MILR1: variants seen among roughly 807,000 people sequenced by gnomAD.
MILR1 encodes the protein mast cell immunoglobulin like receptor 1, also known as allergin-1.
Under a neutral mutation model 18.5 loss-of-function variants are expected in MILR1, and 31 were observed. The observed-to-expected ratio is 1.68, with a 90% confidence interval of 1.26 to 2.26. The LOEUF (loss-of-function observed/expected upper bound fraction) is 2.26. Ranked by LOEUF, MILR1 falls within the 30% of genes most tolerant of loss-of-function variation. The pLI, the probability that MILR1 is intolerant of heterozygous loss-of-function variation, is 0.00. For synonymous variants in MILR1, 85 were observed against 56.2 expected, an observed-to-expected ratio of 1.51 and a Z score of -2.30; for missense variants, 257 against 157.4, an observed-to-expected ratio of 1.63 and a Z score of -3.38.
At chr17:64,477,694 T>C in the MILR1 span, 2 of 1,053,304 alleles carry the variant, frequency 1.9e-6, no homozygotes, top group Non-Finnish European at 2.6e-6. Context: ...ATAAAAAATA[T>C]AAACACTGAA....
the MILR1 span, chr17:64,490,718 A>G: frequency 1.8e-6 from 2 of 1,135,330 alleles, no homozygotes; most frequent in Non-Finnish European, 2.7e-6. Context: ...CCACGTTTGC[A>G]CCTTATTCTC....
At chr17:64,485,179 CA>C in the MILR1 span, 1 of 154,880 alleles carries the variant, frequency 6.5e-6, no homozygotes, top group Non-Finnish European at 1.4e-5. Flanking sequence ...CATCTTGCCC[CA>C]TTAATCATTT....
chr17:64,466,338 C>A, intron 6 of MILR1, 104 bp from the exon 7 acceptor site: 1 of 918,530 alleles, frequency 1.1e-6, no homozygotes, highest in Non-Finnish European at 1.7e-6. Context: ...ATGGAACAGT[C>A]CCAGCCTACA....
At position 64,463,313 on chromosome 17, in the gene MILR1, A is replaced by G. The variant is rs944435400; in HGVS notation, c.764-2139A>G. 1.2e-3 allele frequency among the ~76,000 whole-genome samples: 185 copies of G among 151,952 alleles called. 2 individuals carry two copies. The highest frequency in any genetic ancestry group is 3.7e-4 in the Non-Finnish European group (25 of 68,014). ...ATGAGCCACTGCACTCAGCCCAGTT[A>G]CTGCTTTTCATTCCTCACGTCTTAT... On this transcript the variant is annotated intron_variant, in intron 5 of 9. Coordinates refer to ENST00000619286, the MANE Select transcript of MILR1 (RefSeq NM_001085423.2).
At chr17:64,474,097 T>TG in the MILR1 span, among the ~76,000 whole-genome samples, 2 of 152,134 alleles carry the variant, frequency 1.3e-5, no homozygotes, top group South Asian at 4.1e-4. Context: ...ATTTTGGAGA[T>TG]GGAGTCTCAC....
chr17:64,475,793 C>T, the MILR1 span, among the ~76,000 whole-genome samples: 1 of 149,720 alleles, frequency 6.7e-6, no homozygotes, highest in Non-Finnish European at 1.5e-5. Context: ...AACAAACAGA[C>T]ACTACTACCA....
chr17:64,495,071 G>A, the MILR1 span, among the ~76,000 whole-genome samples: 1 of 151,766 alleles, frequency 6.6e-6, no homozygotes, highest in African/African-American at 2.4e-5. Flanking sequence ...CCAGCTACTC[G>A]GGAGGCTGAG....
chr17:64,490,487 C>T, the MILR1 span: 2 of 363,568 alleles, frequency 5.5e-6, no homozygotes, highest in Non-Finnish European at 5.2e-6. Flanking sequence ...TCACGCAAGA[C>T]AAGAGGAATT....
chr17:64,487,173 T>C, the MILR1 span: 1 of 152,226 alleles, frequency 6.6e-6, no homozygotes, highest in Non-Finnish European at 1.5e-5. Context: ...AATACATATA[T>C]GTACTGACAT....
intron 5 of MILR1, among the ~76,000 whole-genome samples, chr17:64,461,643 G>A (rs2037435025): frequency 6.6e-6 from 1 of 152,114 alleles, no homozygotes; most frequent in South Asian, 2.1e-4. Context: ...ACTTTAACCT[G>A]CTTAAATGCA....
chr17:64,493,908 C>T, the MILR1 span, among the ~76,000 whole-genome samples: 1 of 152,152 alleles, frequency 6.6e-6, no homozygotes, highest in Non-Finnish European at 1.5e-5. Context: ...TTCTTGTTCA[C>T]TCCCAAATAC....
At chr17:64,464,470 C>T (rs1412865589) in intron 5 of MILR1, among the ~76,000 whole-genome samples, 2 of 151,858 alleles carry the variant, frequency 1.3e-5, no homozygotes, top group African/African-American at 4.8e-5. Flanking sequence ...GAATTCCTGG[C>T]TTCAAGTGAT....
At chr17:64,474,365 G>A in the MILR1 span, among the ~76,000 whole-genome samples, 14 of 151,364 alleles carry the variant, frequency 9.2e-5, no homozygotes, top group African/African-American at 3.4e-4. Flanking sequence ...GTGAGCCACC[G>A]TGCCCGGCCT....
the MILR1 span, among the ~76,000 whole-genome samples, chr17:64,489,028 C>CTT: frequency 1.0e-4 from 14 of 136,456 alleles, no homozygotes; most frequent in Admixed American, 1.5e-4. Flanking sequence ...TTTTCTTTTT[C>CTT]TTTTTTTTTT....
chr17:64,472,873 G>A (rs1187999236), downstream of MILR1, among the ~76,000 whole-genome samples: 1 of 152,162 alleles, frequency 6.6e-6, no homozygotes, highest in African/African-American at 2.4e-5. Context: ...AATATTATGA[G>A]CTTTTACAAA....
At chr17:64,456,925 A>G (rs1472074169) in intron 3 of MILR1, among the ~76,000 whole-genome samples, 1 of 152,096 alleles carries the variant, frequency 6.6e-6, no homozygotes, top group Non-Finnish European at 1.5e-5. Context: ...GCCTGTAACC[A>G]CAGCACTTTG....
Position 64,468,419 on chromosome 17 carries a change from G to T in MILR1, c.*138G>T. On this transcript the variant is annotated 3_prime_UTR_variant, in exon 10 of 10. Transcript: ENST00000619286. ...TTCTCATGCCTCGACCTCCCGAGTA[G>T]CTGGGATTACAGGTGCCCGCTACCA... The T allele has an allele frequency of 2.5e-6, 1 of 406,110 alleles. No individual in the cohort carries two copies. The highest frequency in any genetic ancestry group is 1.8e-5 in the South Asian group (1 of 55,446). 25.2% of individuals were successfully genotyped at this position (406,110 alleles called of 1,614,324 possible).
At chr17:64,458,192 T>TCC in intron 4 of MILR1, among the ~76,000 whole-genome samples, 9 of 137,410 alleles carry the variant, frequency 6.5e-5, no homozygotes, top group Admixed American at 1.5e-4. Flanking sequence ...CTTCCTTCCT[T>TCC]CTTTCCTTCC....
the MILR1 span, chr17:64,496,329 G>T: frequency 1.1e-6 from 1 of 906,702 alleles, no homozygotes; most frequent in Non-Finnish European, 1.7e-6. Context: ...AGGGCCAGTT[G>T]CAATCCCCAA....
Sources: allele counts gnomAD v4.1 joint callset (sites outside exome capture counted in the v4.1 genomes callset), GRCh38; gene constraint gnomAD v4.1.1; transcripts MANE v1.5; gene names NCBI Gene and HGNC (gene_info 2026-07-23, HGNC 2026-07-21).